LRRC7: variants seen among roughly 807,000 people sequenced by gnomAD.
The protein encoded by LRRC7 is leucine rich repeat containing 7.
A neutral mutation model predicts 175.7 loss-of-function variants in LRRC7; 23 were observed. The ratio of observed to expected loss-of-function variants is 0.13; its 90% CI spans 0.09 to 0.19. The LOEUF is 0.19. Ranked by LOEUF, LRRC7 falls within the 10% of genes least tolerant of loss-of-function variation. The pLI, the probability that LRRC7 is intolerant of heterozygous loss-of-function variation, is 1.00. For missense variants in LRRC7, 1,354 were observed against 1,904.7 expected, an observed-to-expected ratio of 0.71 and a Z score of 5.38; for synonymous variants, 685 against 680.9, an observed-to-expected ratio of 1.01 and a Z score of -0.09.
chr1:69,592,308 C>T lies in LRRC7; in HGVS notation c.2+23667C>T, dbSNP rs1307597419. Among the ~76,000 whole-genome samples the T allele has an allele frequency of 2.6e-5, 4 of 152,090 alleles. No individual in the cohort carries two copies. The East Asian group carries it at 7.7e-4, about 29-fold the overall frequency. On this transcript the variant is annotated intron_variant, in intron 1 of 26. Transcript: ENST00000651989. Reference sequence around the variant, plus strand: ...CGTAAAGTCTGCTGATTCAAAAGAACATAAGAACATTGCCTAAAATGGATC... The same window carrying T: ...CGTAAAGTCTGCTGATTCAAAAGAATATAAGAACATTGCCTAAAATGGATC...
At chr1:69,977,678 C>T (rs189655779) in intron 8 of LRRC7, among the ~76,000 whole-genome samples, 113 of 152,266 alleles carry the variant, frequency 7.4e-4, no homozygotes, top group Admixed American at 6.9e-3. Context: ...TGCTGCATGG[C>T]ACTTGCAGCC....
intron 1 of LRRC7, among the ~76,000 whole-genome samples, chr1:69,591,053 G>A (rs945091286): frequency 1.1e-4 from 16 of 151,782 alleles, no homozygotes; most frequent in African/African-American, 2.4e-4. Context: ...TTTAATTTTC[G>A]ATAAAGATGA....
rs1666503343 is a variant in LRRC7 at position 70,127,676 on chromosome 1, G to A, written c.*5789G>A. ...CCTGGATTAAGGCATGCAGAAATGA[G>A]AAGGATACCTCTGCAGCTCTGTCAA... On this transcript the variant is annotated 3_prime_UTR_variant, in exon 27 of 27. Transcript: ENST00000651989. 6.6e-6 allele frequency among the ~76,000 whole-genome samples: 1 copy of A among 152,160 alleles called. No individual in the cohort carries two copies. The highest frequency in any genetic ancestry group is 6.5e-5 in the Admixed American group (1 of 15,272).
chr1:69,891,992 G>T (rs1253362547), intron 7 of LRRC7, among the ~76,000 whole-genome samples: 1 of 152,112 alleles, frequency 6.6e-6, no homozygotes, highest in East Asian at 1.9e-4. Flanking sequence ...AAAAAAAAGT[G>T]AAGTGATGGG....
At chr1:69,870,582 T>A (rs1197060163) in intron 7 of LRRC7, among the ~76,000 whole-genome samples, 1 of 152,182 alleles carries the variant, frequency 6.6e-6, no homozygotes, top group Non-Finnish European at 1.5e-5. Context: ...TATCTCACCA[T>A]TCCTAATAAG....
intron 4 of LRRC7, among the ~76,000 whole-genome samples, chr1:69,797,480 A>T (rs191420881): frequency 6.6e-6 from 1 of 152,286 alleles, no homozygotes; most frequent in African/African-American, 2.4e-5. Context: ...TTCTCTGTTA[A>T]TGTTACTATG....
chr1:69,688,806 G>A (rs1022032613), intron 2 of LRRC7, among the ~76,000 whole-genome samples: 2 of 152,080 alleles, frequency 1.3e-5, no homozygotes, highest in Non-Finnish European at 2.9e-5. Context: ...ACTTTCAAGA[G>A]CTGGTTTAAT....
intron 8 of LRRC7, among the ~76,000 whole-genome samples, chr1:69,965,643 T>C (rs1052895432): frequency 2.6e-5 from 4 of 152,074 alleles, no homozygotes; most frequent in Admixed American, 1.3e-4. Context: ...TTTATGAACA[T>C]TTTAATGTGA....
At chr1:69,931,260 C>G (rs1418893227) in intron 7 of LRRC7, among the ~76,000 whole-genome samples, 4 of 152,038 alleles carry the variant, frequency 2.6e-5, no homozygotes, top group Non-Finnish European at 5.9e-5. Context: ...TAATAAGCTT[C>G]TTGGATTTTT....
intron 7 of LRRC7, among the ~76,000 whole-genome samples, chr1:69,930,440 A>G (rs1647260453): frequency 6.6e-6 from 1 of 152,226 alleles, no homozygotes; most frequent in Admixed American, 6.5e-5. Context: ...GTGTCTGAAG[A>G]ATTCCTGTAT....
chr1:69,808,919 C>T, intron 4 of LRRC7, among the ~76,000 whole-genome samples: 1 of 151,906 alleles, frequency 6.6e-6, no homozygotes, highest in East Asian at 1.9e-4. Context: ...AAAGAAATAA[C>T]TAAGATAAGA....
intron 26 of LRRC7, among the ~76,000 whole-genome samples, chr1:70,119,600 C>T (rs573523281): frequency 2.6e-5 from 4 of 151,160 alleles, no homozygotes; most frequent in Admixed American, 1.3e-4. Flanking sequence ...AAGTACCACT[C>T]AAAATTAACA....
At chr1:69,874,052 G>A (rs1013379669) in intron 7 of LRRC7, 1 of 151,978 alleles carries the variant, frequency 6.6e-6, no homozygotes. Flanking sequence ...TTCCATTGTG[G>A]ACTTATTTTG....
At chr1:70,010,415 A>T (rs1047275715) in intron 11 of LRRC7, among the ~76,000 whole-genome samples, 1 of 152,028 alleles carries the variant, frequency 6.6e-6, no homozygotes, top group African/African-American at 2.4e-5. Flanking sequence ...AAAATACAAA[A>T]ATTAGCTGGG....
chr1:69,858,894 A>T (rs1289395955), intron 7 of LRRC7, among the ~76,000 whole-genome samples: 1 of 152,160 alleles, frequency 6.6e-6, no homozygotes, highest in Non-Finnish European at 1.5e-5. Context: ...AGAGACAAAG[A>T]AGTCATTACA....
intron 2 of LRRC7, among the ~76,000 whole-genome samples, chr1:69,705,136 C>T (rs1184576540): frequency 6.6e-6 from 1 of 152,116 alleles, no homozygotes; most frequent in East Asian, 1.9e-4. Context: ...CTTACACAAC[C>T]TTTACCATTG....
chr1:69,795,144 G>T (rs1675575062), intron 4 of LRRC7, among the ~76,000 whole-genome samples: 1 of 152,144 alleles, frequency 6.6e-6, no homozygotes, highest in Admixed American at 6.5e-5. Context: ...CACTTTGAGA[G>T]GCCCGGGCCA....
At chr1:69,715,751 T>C (rs1027002418) in intron 2 of LRRC7, among the ~76,000 whole-genome samples, 1 of 151,924 alleles carries the variant, frequency 6.6e-6, no homozygotes, top group African/African-American at 2.4e-5. Flanking sequence ...TGAATCTAAA[T>C]TATAAAATAT....
In LRRC7 at chr1:69,608,658, G is replaced by A. The variant is rs185147303; in HGVS notation, c.2+40017G>A. Among the ~76,000 whole-genome samples, 15 of 151,936 alleles carry A rather than the reference G, an allele frequency of 9.9e-5. No homozygotes were observed. The East Asian group carries it at 2.9e-3, about 29-fold the overall frequency. The stretch of plus-strand genomic sequence containing the variant: ...ACAAATTCAGTTATATTTGTTAAGT[G>A]CTTAAACAGGCTGTACATTTTGCTG... On this transcript the variant is annotated intron_variant, in intron 1 of 26. Coordinates refer to ENST00000651989, the MANE Select transcript of LRRC7 (RefSeq NM_001370785.2).
Sources: gnomAD v4.1 joint callset for allele counts (sites outside exome capture counted in the v4.1 genomes callset) on GRCh38, gnomAD v4.1.1 for gene constraint, MANE v1.5 for transcripts, NCBI Gene and HGNC (gene_info 2026-07-23, HGNC 2026-07-21) for gene names.